The following KLHL32 variants were observed in gnomAD, a reference collection of about 807,000 sequenced individuals.
The protein encoded by KLHL32 is kelch like family member 32, also known as kelch-like protein 32.
A neutral mutation model predicts 64.8 loss-of-function variants in KLHL32; 35 were observed. The observed-to-expected ratio is 0.54, with a 90% CI of 0.41 to 0.72. KLHL32 has a LOEUF of 0.72. Among genes scored for constraint, KLHL32 ranks in the 30% least tolerant of loss-of-function variants. The pLI is 0.00. For missense variants in KLHL32, 589 were observed against 768.5 expected (o/e 0.77, Z 2.76); for synonymous variants, 259 against 281.0 (o/e 0.92, Z 0.78).
At position 97,114,523 on chromosome 6, in the gene KLHL32, C is replaced by T. The variant is rs375082400; in HGVS notation, c.1354+14C>T. 2.0e-5 allele frequency: 32 copies of T among 1,611,956 alleles called. No homozygotes were observed. Among genetic ancestry groups the T allele is most frequent in the Non-Finnish European group, 2.5e-5 (30 of 1,179,830 alleles). Reference sequence around the variant, plus strand: ...TTTGGATATCAGGTAGAACATACCTCATGTTGGATTTATCAAAACACACTT... The same window carrying T: ...TTTGGATATCAGGTAGAACATACCTTATGTTGGATTTATCAAAACACACTT... On this transcript the variant is annotated intron_variant, in intron 7 of 10. Transcript: ENST00000369261.
chr6:97,066,481 T>C (rs1335045184), intron 5 of KLHL32, among the ~76,000 whole-genome samples: 6 of 152,238 alleles, frequency 3.9e-5, no homozygotes, highest in African/African-American at 1.2e-4. Context: ...GAGGTAAAAG[T>C]GTAGCATGCA....
chr6:97,105,708 G>T (rs563936955), intron 6 of KLHL32, among the ~76,000 whole-genome samples: 1 of 152,064 alleles, frequency 6.6e-6, no homozygotes, highest in Non-Finnish European at 1.5e-5. Flanking sequence ...AGCTCTTCAT[G>T]ATGAGCTCTG....
intron 3 of KLHL32, among the ~76,000 whole-genome samples, chr6:97,010,484 A>T (rs2061279500): frequency 6.6e-6 from 1 of 152,242 alleles, no homozygotes. Flanking sequence ...AAAGTTTATA[A>T]ATTGAATCCT....
At chr6:97,085,082 T>C (rs1793188373) in intron 5 of KLHL32, 44 bp from the exon 6 acceptor site, 1 of 1,552,344 alleles carries the variant, frequency 6.4e-7, no homozygotes, top group Admixed American at 1.7e-5. Context: ...TTCTCGGATT[T>C]ATTTCTAAGA....
At chr6:97,113,412 T>C (rs1157515840) in intron 6 of KLHL32, among the ~76,000 whole-genome samples, 1 of 152,176 alleles carries the variant, frequency 6.6e-6, no homozygotes, top group Non-Finnish European at 1.5e-5. Flanking sequence ...CTCCCACCAT[T>C]GACATTTCCT....
At chr6:96,990,821 G>A (rs534779583) in intron 3 of KLHL32, among the ~76,000 whole-genome samples, 1 of 152,250 alleles carries the variant, frequency 6.6e-6, no homozygotes, top group South Asian at 2.1e-4. Flanking sequence ...AGCTAGACTG[G>A]CCTCTTCTCT....
rs1020930423 is a variant in KLHL32, at chr6:97,140,714, T to C, written c.*1432T>C. ...TTATTTTATTCATGTAACCTTTTTT[T>C]GTAATCAAAAGTGAATAAAAACGAT... On this transcript the variant is annotated 3_prime_UTR_variant, in exon 11 of 11. Coordinates refer to ENST00000369261, the MANE Select transcript of KLHL32 (RefSeq NM_052904.4). 2 of 152,004 alleles carry C rather than the reference T, an allele frequency of 1.3e-5. No homozygotes were observed. The highest frequency in any genetic ancestry group is 4.8e-5 in the African/African-American group (2 of 41,450). The allele number at this position is 152,004 out of a possible 1,614,324, so 9.4% of individuals were successfully genotyped here.
intron 3 of KLHL32, among the ~76,000 whole-genome samples, chr6:96,988,583 A>G (rs1271723634): frequency 6.6e-6 from 1 of 152,166 alleles, no homozygotes; most frequent in East Asian, 1.9e-4. Context: ...ATACCATTTG[A>G]CCCAGCCATC....
chr6:97,082,625 AT>A lies in KLHL32; in HGVS notation c.412-2500del, dbSNP rs1183082470. ...CAAGATTCCATCTCAAAAAAAAAAA[AT>A]AAATAAATAAAAAGAAAGAAAAAAG... is the stretch of plus-strand genomic sequence containing the variant. On this transcript the variant is annotated intron_variant, in intron 5 of 10. Coordinates refer to ENST00000369261, the MANE Select transcript of KLHL32 (RefSeq NM_052904.4). 4.0e-5 allele frequency among the ~76,000 whole-genome samples: 6 copies of A among 148,490 alleles called. No individual in the cohort carries two copies. In the East Asian group the frequency reaches 8.0e-4, roughly 20 times the overall value.
intron 3 of KLHL32, among the ~76,000 whole-genome samples, chr6:96,990,700 T>A (rs9487675): frequency 0.085 from 12,878 of 151,502 alleles, 1,154 homozygotes; most frequent in Admixed American, 0.22. Context: ...ACGGAGCTGC[T>A]ACCAGTTGGT....
At chr6:96,933,877 G>T (rs929132510) in intron 1 of KLHL32, among the ~76,000 whole-genome samples, 3 of 152,166 alleles carry the variant, frequency 2.0e-5, no homozygotes, top group African/African-American at 7.2e-5. Context: ...GTTAGGCTAG[G>T]GGTTGACACA....
At position 97,041,485 on chromosome 6, in the gene KLHL32, A is replaced by C. The variant is rs767648378; in HGVS notation, c.205-7A>C. On this transcript the variant is annotated splice_polypyrimidine_tract_variant and splice_region_variant and intron_variant, in intron 3 of 10. Coordinates refer to ENST00000369261, the MANE Select transcript of KLHL32 (RefSeq NM_052904.4). ...CATAACTGTCTTTCTCCCTTTCCTC[A>C]CCTCAGGCAATGTTCAGTCTTTGTA... The C allele has an allele frequency of 3.3e-5, 53 of 1,595,470 alleles. No individual in the cohort carries two copies. In the East Asian group the frequency reaches 1.1e-3, roughly 34 times the overall value.
At chr6:97,007,282 C>T (rs1295485378) in intron 3 of KLHL32, among the ~76,000 whole-genome samples, 1 of 152,104 alleles carries the variant, frequency 6.6e-6, no homozygotes, top group African/African-American at 2.4e-5. Context: ...TTCATCATTT[C>T]TGCCGTTAGT....
chr6:96,918,596 C>G, the KLHL32 span, among the ~76,000 whole-genome samples: 1 of 152,004 alleles, frequency 6.6e-6, no homozygotes, highest in East Asian at 1.9e-4. Context: ...ACACAAAGTT[C>G]TAAGATTAGA....
chr6:97,130,711 A>C, intron 8 of KLHL32, 46 bp from the exon 9 acceptor site: 1 of 1,514,496 alleles, frequency 6.6e-7, no homozygotes, highest in African/African-American at 1.4e-5. Flanking sequence ...GTTTTCTGAC[A>C]TGGAGGTCTC....
In KLHL32 at chr6:96,976,053, G is replaced by GCCTAAGCGC; in HGVS notation, c.80_81insCCTAAGCGC (p.Ser27_Val28insLeuSerAla). 1 of 1,604,720 alleles carries GCCTAAGCGC rather than the reference G, an allele frequency of 6.2e-7. No individual in the cohort carries two copies. Among genetic ancestry groups the GCCTAAGCGC allele is most frequent in the Non-Finnish European group, 8.5e-7 (1 of 1,173,214 alleles). ...TGCCACTCCGAATCTCACAATGACA[G>GCCTAAGCGC]TGTCCTGGCAGCGCTGAATCAGCAG... On this transcript the variant is annotated inframe_insertion, in exon 3 of 11. Transcript: ENST00000369261.
At chr6:96,903,160 CA>C in the KLHL32 span, among the ~76,000 whole-genome samples, 1 of 151,436 alleles carries the variant, frequency 6.6e-6, no homozygotes, top group Non-Finnish European at 1.5e-5. Flanking sequence ...TAAAATCTGA[CA>C]AATTCAAGTG....
intron 3 of KLHL32, among the ~76,000 whole-genome samples, chr6:96,989,070 G>A (rs182598530): frequency 1.3e-4 from 20 of 152,272 alleles, no homozygotes; most frequent in Middle Eastern, 3.4e-3. Flanking sequence ...AAACCTGCAC[G>A]TTGTGCACAT....
chr6:96,956,745 T>C (rs1367674049), intron 1 of KLHL32, among the ~76,000 whole-genome samples: 2 of 152,224 alleles, frequency 1.3e-5, no homozygotes, highest in African/African-American at 4.8e-5. Flanking sequence ...TTAATTCTTA[T>C]AATGTTCGAT....
Sources: allele counts gnomAD v4.1 joint callset (sites outside exome capture counted in the v4.1 genomes callset), GRCh38; gene constraint gnomAD v4.1.1; transcripts MANE v1.5; gene names NCBI Gene and HGNC (gene_info 2026-07-23, HGNC 2026-07-21).